Variants in NPHS2 observed in about 807,000 individuals in gnomAD.
The protein encoded by NPHS2 is NPHS2 stomatin family member, podocin.
A neutral mutation model predicts 37.1 loss-of-function variants in NPHS2; 36 were observed. The ratio of observed to expected loss-of-function variants is 0.97; its 90% CI spans 0.74 to 1.28. The LOEUF (loss-of-function observed/expected upper bound fraction) is 1.28, where lower values mean the gene tolerates loss of function less well. NPHS2 is among the 50% of genes most tolerant of loss of function. The probability of loss-of-function intolerance (pLI) is 0.00; values close to 1 mark genes in which losing one functional copy is unlikely to be tolerated. For missense variants in NPHS2, 447 were observed against 488.1 expected (o/e 0.92, Z 0.79); for synonymous variants, 196 against 189.3 (o/e 1.04, Z -0.29).
chr1:179,572,991 T>C (rs1430876990), intron 1 of NPHS2, among the ~76,000 whole-genome samples: 1 of 152,040 alleles, frequency 6.6e-6, no homozygotes, highest in Non-Finnish European at 1.5e-5. Flanking sequence ...CATGCCACCT[T>C]ACCTGGCTAA....
At chr1:179,551,499 A>G (rs753852115) in intron 7 of NPHS2, 48 bp from the exon 8 acceptor site, 3 of 1,608,422 alleles carry the variant, frequency 1.9e-6, no homozygotes, top group East Asian at 4.5e-5. Context: ...CATTCCCTGA[A>G]GGCTTCACCA....
At chr1:179,553,317 GTAGCATTATTCATAC>G (rs1220075222) in intron 6 of NPHS2, among the ~76,000 whole-genome samples, 1 of 152,222 alleles carries the variant, frequency 6.6e-6, no homozygotes, top group Non-Finnish European at 1.5e-5. Context: ...AATGCTTGCT[GTAGCATTATTCATAC>G]TAGCCAAAAA....
In NPHS2 at chr1:179,551,334, A is replaced by C. The variant is rs749109258; in HGVS notation, c.991T>G (p.Ser331Ala). Residue 331 changes from serine (S) to alanine (A), a missense_variant, in exon 8 of 8, where the codon TCC becomes GCC. By Grantham distance (99) the Ser-to-Ala change is moderately conservative (BLOSUM62 1). Coordinates refer to ENST00000367615, the MANE Select transcript of NPHS2 (RefSeq NM_014625.4). ...LRYLHTLQSL[S>A]TEKPSTVVLP... ...ACCACAGTGGAAGGCTTCTCTGTGGACAGAGACTGAAGGGTGTGGAGGTAT... is the reference window on the plus strand; with the variant it reads ...ACCACAGTGGAAGGCTTCTCTGTGGCCAGAGACTGAAGGGTGTGGAGGTAT... 6.2e-7 allele frequency: 1 copy of C among 1,614,152 alleles called. No individual in the cohort carries two copies. Among genetic ancestry groups the C allele is most frequent in the Non-Finnish European group, 8.5e-7 (1 of 1,180,004 alleles).
intron 7 of NPHS2, chr1:179,551,668 C>G (rs1673300182): frequency 8.6e-6 from 5 of 579,058 alleles, no homozygotes; most frequent in Non-Finnish European, 1.5e-5. Flanking sequence ...TAGGAGCCAT[C>G]ACAAGTATAA....
intron 2 of NPHS2, among the ~76,000 whole-genome samples, chr1:179,561,850 G>A (rs1205166518): frequency 6.6e-6 from 1 of 151,960 alleles, no homozygotes; most frequent in Non-Finnish European, 1.5e-5. Flanking sequence ...TTGTTACCCA[G>A]ACTGGAGTGC....
chr1:179,551,027 G>A lies in NPHS2; in HGVS notation c.*146C>T, dbSNP rs2125762433. On this transcript the variant is annotated 3_prime_UTR_variant, in exon 8 of 8. Transcript: ENST00000367615. ...TTACATCATTTCACCGTCTTCTCATGGATGGTGCATTGTGACTTCGTGCAT... is the reference window on the plus strand; with the variant it reads ...TTACATCATTTCACCGTCTTCTCATAGATGGTGCATTGTGACTTCGTGCAT... 1.1e-6 allele frequency: 1 copy of A among 905,266 alleles called. No homozygotes were observed. Among genetic ancestry groups the A allele is most frequent in the East Asian group, 2.6e-5 (1 of 38,400 alleles). The allele number at this position is 905,266 out of a possible 1,614,324, so 56.1% of individuals were successfully genotyped here. A position where few individuals can be genotyped will look rare whatever the true frequency, so the allele number is the denominator to read the frequency against.
intron 3 of NPHS2, among the ~76,000 whole-genome samples, chr1:179,560,272 T>A (rs1202998338): frequency 6.6e-6 from 1 of 152,200 alleles, no homozygotes; most frequent in African/African-American, 2.4e-5. Flanking sequence ...GGTTGGCTAG[T>A]TAGTCCTCAC....
chr1:179,551,273 G>T lies in NPHS2; in HGVS notation c.1052C>A (p.Ser351Tyr). ...TCCCTGAGTTCTGTTGCTGGGAGAA[G>T]ACAGGCAATTCAGTAGGTCAAATGG... The part of the protein sequence containing the change: ...PLPFDLLNCL[S>Y]SPSNRTQGSL... The change falls in exon 8 of 8, where the codon TCT becomes TAT. Residue 351 changes from serine (S) to tyrosine (Y), a missense_variant. By Grantham distance (144) the Ser-to-Tyr change is moderately radical. Coordinates refer to ENST00000367615, the MANE Select transcript of NPHS2 (RefSeq NM_014625.4). The T allele has an allele frequency of 1.2e-6, 2 of 1,614,140 alleles. No individual in the cohort carries two copies. The highest frequency in any genetic ancestry group is 1.7e-6 in the Non-Finnish European group (2 of 1,180,004).
chr1:179,570,995 C>A (rs566973930), intron 1 of NPHS2, among the ~76,000 whole-genome samples: 1 of 152,122 alleles, frequency 6.6e-6, no homozygotes, highest in Non-Finnish European at 1.5e-5. Context: ...AGCTTCCTTG[C>A]GATGGGTTCG....
At chr1:179,574,042 G>A (rs1674665746) in intron 1 of NPHS2, among the ~76,000 whole-genome samples, 1 of 152,090 alleles carries the variant, frequency 6.6e-6, no homozygotes, top group East Asian at 1.9e-4. Context: ...AAAGAGGAGG[G>A]GATGTTACTC....
rs1219830433 is a variant in NPHS2, at chr1:179,556,449, CT to C, written c.738+577del. Among the ~76,000 whole-genome samples the C allele has an allele frequency of 2.6e-5, 4 of 152,222 alleles. No individual in the cohort carries two copies. The highest frequency in any genetic ancestry group is 9.6e-5 in the African/African-American group (4 of 41,462). ...CCGACCCTGGCCGTGAATGAGCTTG[CT>C]GAGCTTGCTGTCTGTGGACTAGAGG... is the stretch of plus-strand genomic sequence containing the variant. On this transcript the variant is annotated intron_variant, in intron 5 of 7. Coordinates refer to ENST00000367615, the MANE Select transcript of NPHS2 (RefSeq NM_014625.4). This position sits in a 1 kb window ranked among gnomAD's most constrained non-coding sequence, Gnocchi z 4.1.
chr1:179,575,555 C>A, intron 1 of NPHS2, 36 bp downstream of exon 1: 1 of 1,599,312 alleles, frequency 6.3e-7, no homozygotes, highest in Non-Finnish European at 8.5e-7. Flanking sequence ...TAGTTACCAC[C>A]TGGAAAAGTA....
rs1460627655 is a variant in NPHS2, at chr1:179,554,401, C to A, written c.794+75G>T. ...ATAGTACTCAGTGAAAATAATTTTT[C>A]AAATGAAAAATTTAAAATGAAACCA... On this transcript the variant is annotated intron_variant, in intron 6 of 7. Coordinates refer to ENST00000367615, the MANE Select transcript of NPHS2 (RefSeq NM_014625.4). 4 of 1,588,728 alleles carry A rather than the reference C, an allele frequency of 2.5e-6. No individual in the cohort carries two copies. In the East Asian group the frequency reaches 6.7e-5, roughly 27 times the overall value.
intron 1 of NPHS2, among the ~76,000 whole-genome samples, chr1:179,574,993 C>A (rs1674700010): frequency 6.6e-6 from 1 of 152,190 alleles, no homozygotes; most frequent in African/African-American, 2.4e-5. Context: ...ATCCTTACCA[C>A]TACCCTCTGA....
chr1:179,559,562 G>A (rs1278551493), intron 4 of NPHS2, 117 bp downstream of exon 4: 12 of 723,414 alleles, frequency 1.7e-5, no homozygotes, highest in Non-Finnish European at 2.7e-5. Context: ...TTTAAGTTAT[G>A]ATGTAGTCCA....
intron 2 of NPHS2, among the ~76,000 whole-genome samples, chr1:179,564,062 C>G (rs1027096059): frequency 6.6e-6 from 1 of 152,226 alleles, no homozygotes; most frequent in Non-Finnish European, 1.5e-5. Context: ...AGCTGCACCA[C>G]AGTCAGAGGC....
At position 179,550,557 on chromosome 1, in the gene NPHS2, A is replaced by G. The variant is rs1673107553; in HGVS notation, c.*616T>C. The G allele has an allele frequency of 6.6e-6, 1 of 152,450 alleles. No individual in the cohort carries two copies. Among genetic ancestry groups the G allele is most frequent in the African/African-American group, 2.4e-5 (1 of 41,448 alleles). The allele number at this position is 152,450 out of a possible 1,614,324, so 9.4% of individuals were successfully genotyped here. A position where few individuals can be genotyped will look rare whatever the true frequency, so the allele number is the denominator to read the frequency against. The stretch of plus-strand genomic sequence containing the variant: ...AAAAGAATTCCTTTTAAATGCTTTA[A>G]TTAGGGATAAATTGTATATCCGACT... On this transcript the variant is annotated 3_prime_UTR_variant, in exon 8 of 8. Coordinates refer to ENST00000367615, the MANE Select transcript of NPHS2 (RefSeq NM_014625.4).
intron 1 of NPHS2, among the ~76,000 whole-genome samples, chr1:179,573,457 T>C (rs1674639782): frequency 1.3e-5 from 2 of 152,218 alleles, no homozygotes; most frequent in South Asian, 2.1e-4. Flanking sequence ...ATTGAAGCTA[T>C]GAGAATCTCG....
chr1:179,573,595 A>C (rs1674646453), intron 1 of NPHS2, among the ~76,000 whole-genome samples: 1 of 152,228 alleles, frequency 6.6e-6, no homozygotes, highest in Admixed American at 6.5e-5. Context: ...CTACCAACAT[A>C]TTAATTTTTA....
Sources: allele counts gnomAD v4.1 joint callset (sites outside exome capture counted in the v4.1 genomes callset), GRCh38; gene constraint gnomAD v4.1.1; non-coding constraint Gnocchi (gnomAD v3.1); transcripts MANE v1.5; gene names NCBI Gene and HGNC (gene_info 2026-07-23, HGNC 2026-07-21).